The following ESCO1 variants were observed in gnomAD, a reference collection of about 807,000 sequenced individuals.
The protein encoded by ESCO1 is N-acetyltransferase ESCO1.
Under a neutral mutation model 83.5 loss-of-function variants are expected in ESCO1, and 33 were observed. The ratio of observed to expected loss-of-function variants is 0.40; its 90% CI spans 0.30 to 0.53. ESCO1 has a LOEUF of 0.53. ESCO1 is among the 20% of genes least tolerant of loss of function. The probability of loss-of-function intolerance (pLI) is 0.63; values close to 1 mark genes in which losing one functional copy is unlikely to be tolerated. For missense variants in ESCO1, 855 were observed against 968.0 expected (o/e 0.88, Z 1.55); for synonymous variants, 332 against 324.3 (o/e 1.02, Z -0.25).
chr18:21,548,673 C>T (rs958137235), intron 8 of ESCO1, among the ~76,000 whole-genome samples: 2 of 148,238 alleles, frequency 1.3e-5, no homozygotes. Flanking sequence ...GGCATGGTAG[C>T]TCACCCCTGT....
intron 1 of ESCO1, among the ~76,000 whole-genome samples, chr18:21,591,332 G>A (rs1367678856): frequency 2.0e-5 from 3 of 152,144 alleles, no homozygotes; most frequent in Non-Finnish European, 4.4e-5. Context: ...GCTAGATGAG[G>A]CAAGGAACAA....
rs773997687 is a variant in ESCO1, at chr18:21,530,511, G to C, written c.2376-21C>G. On this transcript the variant is annotated intron_variant, in intron 11 of 11. Coordinates refer to ENST00000269214, the MANE Select transcript of ESCO1 (RefSeq NM_052911.3). The stretch of plus-strand genomic sequence containing the variant: ...TACTCCTATTAAAAAAAAATGGGGG[G>C]GGGGAAGGGTTAAGTGTGAAATGTT... 7 of 1,443,598 alleles carry C rather than the reference G, an allele frequency of 4.8e-6. 1 individual carries two copies. The highest frequency in any genetic ancestry group is 6.5e-6 in the Non-Finnish European group (7 of 1,079,288). The allele number at this position is 1,443,598 out of a possible 1,614,324, so 89.4% of individuals were successfully genotyped here. A position where few individuals can be genotyped will look rare whatever the true frequency, so the allele number is the denominator to read the frequency against.
rs1432381804 is a variant in ESCO1 at position 21,574,183 on chromosome 18, T to C, written c.661A>G (p.Thr221Ala). The change falls in exon 4 of 12, where the codon ACG (threonine) becomes GCG (alanine). Residue 221 changes from threonine to alanine, a missense_variant. Coordinates refer to ENST00000269214, the MANE Select transcript of ESCO1 (RefSeq NM_052911.3). ...TGAGGACACTTTTCAGATCCTTGCG[T>C]GCATTGAGAACTACAAGCACAAGCT... is the stretch of plus-strand genomic sequence containing the variant. The part of the protein sequence containing the change: ...QTACACSSQC[T>A]QGSEKCPQKT... 1 of 1,613,920 alleles carries C rather than the reference T, an allele frequency of 6.2e-7. No homozygotes were observed. The highest frequency in any genetic ancestry group is 8.5e-7 in the Non-Finnish European group (1 of 1,179,996).
At chr18:21,563,973 C>T (rs1789238) in intron 7 of ESCO1, among the ~76,000 whole-genome samples, 2 of 152,102 alleles carry the variant, frequency 1.3e-5, no homozygotes, top group South Asian at 4.2e-4. Context: ...TGCTTCCTCC[C>T]TTACCACGTG....
At position 21,573,698 on chromosome 18, in the gene ESCO1, G is replaced by A. The variant is rs1314057145; in HGVS notation, c.1146C>T (p.Asn382=). 1 of 1,614,098 alleles carries A rather than the reference G, an allele frequency of 6.2e-7. No individual in the cohort carries two copies. Among genetic ancestry groups the A allele is most frequent in the Non-Finnish European group, 8.5e-7 (1 of 1,180,014 alleles). Residue 382 remains asparagine, a synonymous_variant, in exon 4 of 12, where the codon AAC becomes AAT. Coordinates refer to ENST00000269214, the MANE Select transcript of ESCO1 (RefSeq NM_052911.3). ...AGTTGGAGTTCTTCTTGGCTGAGCTGTTTATTCCATTTAGTATACATTTCA... is the reference window on the plus strand; with the variant it reads ...AGTTGGAGTTCTTCTTGGCTGAGCTATTTATTCCATTTAGTATACATTTCA... ...KPVKCILNGI[N]SSAKKNSNWT... is the part of the protein sequence containing the mutation.
chr18:21,579,724 A>T (rs1362299063), intron 2 of ESCO1, among the ~76,000 whole-genome samples: 2 of 149,688 alleles, frequency 1.3e-5, no homozygotes, highest in Non-Finnish European at 3.0e-5. Flanking sequence ...GTGAGCCGAC[A>T]TCACGCCACT....
rs142809363 is a variant in ESCO1 at position 21,595,599 on chromosome 18, C to T, written c.-825+5024G>A. Among the ~76,000 whole-genome samples the T allele has an allele frequency of 9.6e-3, 1,439 of 150,386 alleles. 26 individuals carry two copies. The highest frequency in any genetic ancestry group is 0.033 in the African/African-American group (1,356 of 40,752). The stretch of plus-strand genomic sequence containing the variant: ...CATGAGAATGGCTGAACCCGGGAGG[C>T]AGAGCTTGCAGTGAGCCAAGATTGC... On this transcript the variant is annotated intron_variant, in intron 1 of 11. Transcript: ENST00000269214.
intron 1 of ESCO1, among the ~76,000 whole-genome samples, chr18:21,589,501 T>G (rs1325520540): frequency 2.0e-5 from 3 of 152,088 alleles, no homozygotes; most frequent in African/African-American, 7.2e-5. Flanking sequence ...TCTAGCTATC[T>G]CAAGGTACAG....
intron 2 of ESCO1, among the ~76,000 whole-genome samples, chr18:21,584,071 G>C (rs2038540524): frequency 6.6e-6 from 1 of 152,132 alleles, no homozygotes; most frequent in Non-Finnish European, 1.5e-5. Flanking sequence ...TATCTGGAAG[G>C]AGACACTAAC....
chr18:21,573,954 T>C lies in ESCO1; in HGVS notation c.890A>G (p.Lys297Arg), dbSNP rs1489873066. The C allele has an allele frequency of 1.9e-6, 3 of 1,613,926 alleles. No individual in the cohort carries two copies. Among genetic ancestry groups the C allele is most frequent in the Non-Finnish European group, 2.5e-6 (3 of 1,180,042 alleles). Residue 297 changes from lysine (K) to arginine (R), a missense_variant, in exon 4 of 12, where the codon AAG becomes AGG. Lys to Arg is a conservative substitution (Grantham distance 26). Around this residue, in one of 2 missense-constraint regions of ESCO1, gnomAD observed 726 missense variants for 699.5 expected, o/e 1.04. Transcript: ENST00000269214. ...QSDNELEQAG[K>R]SKRGSILQLC... ...CTGGAGAATACTACCTCGTTTGCTC[T>C]TTCCTGCTTGCTCCAGCTCATTATC... is the stretch of plus-strand genomic sequence containing the variant.
At chr18:21,546,689 G>A (rs922825103) in intron 8 of ESCO1, among the ~76,000 whole-genome samples, 1 of 152,142 alleles carries the variant, frequency 6.6e-6, no homozygotes, top group Admixed American at 6.5e-5. Flanking sequence ...TGGGACCACA[G>A]GCATGCAGCC....
At chr18:21,543,224 G>A (rs1409192670) in intron 8 of ESCO1, among the ~76,000 whole-genome samples, 2 of 151,956 alleles carry the variant, frequency 1.3e-5, no homozygotes, top group African/African-American at 4.8e-5. Flanking sequence ...GCGCAATCTC[G>A]GCTCACTGCA....
chr18:21,558,895 AACAG>A (rs1044432021), intron 8 of ESCO1, among the ~76,000 whole-genome samples: 2 of 152,204 alleles, frequency 1.3e-5, no homozygotes, highest in Non-Finnish European at 2.9e-5. Context: ...ACTTCTCACC[AACAG>A]ACAAACCTAA....
At chr18:21,547,805 T>C (rs1477383231) in intron 8 of ESCO1, among the ~76,000 whole-genome samples, 1 of 152,130 alleles carries the variant, frequency 6.6e-6, no homozygotes, top group Non-Finnish European at 1.5e-5. Flanking sequence ...AAAATATTCA[T>C]AGAAAAGAGT....
At chr18:21,548,776 C>T (rs901383603) in intron 8 of ESCO1, among the ~76,000 whole-genome samples, 1 of 151,992 alleles carries the variant, frequency 6.6e-6, no homozygotes, top group Non-Finnish European at 1.5e-5. Context: ...CTTATCTCTA[C>T]AAAAAGTAAA....
chr18:21,585,624 CTCTTTT>C (rs2038564619), intron 1 of ESCO1, among the ~76,000 whole-genome samples: 1 of 152,070 alleles, frequency 6.6e-6, no homozygotes, highest in Non-Finnish European at 1.5e-5. Context: ...AACTTTGCTA[CTCTTTT>C]TCTTTTTTTT....
chr18:21,600,019 C>T (rs895680633), intron 1 of ESCO1, among the ~76,000 whole-genome samples: 2 of 152,216 alleles, frequency 1.3e-5, no homozygotes, highest in Non-Finnish European at 2.9e-5. Context: ...CCATTTGCAG[C>T]ATGAGTTACT....
At chr18:21,557,997 T>G (rs560845628) in intron 8 of ESCO1, among the ~76,000 whole-genome samples, 2 of 151,352 alleles carry the variant, frequency 1.3e-5, no homozygotes, top group Admixed American at 6.6e-5. Context: ...TTTTTTTTTT[T>G]GAAACAGGGT....
intron 1 of ESCO1, among the ~76,000 whole-genome samples, chr18:21,595,098 C>T (rs979668379): frequency 6.6e-6 from 1 of 151,844 alleles, no homozygotes; most frequent in African/African-American, 2.4e-5. Context: ...CCACCTGCCT[C>T]GGCCTCCCAA....
Sources: allele counts gnomAD v4.1 joint callset (sites outside exome capture counted in the v4.1 genomes callset), GRCh38; gene constraint gnomAD v4.1.1; regional missense constraint gnomAD v4.1.1; transcripts MANE v1.5; gene names NCBI Gene and HGNC (gene_info 2026-07-23, HGNC 2026-07-21).